CHERP: variants seen among roughly 807,000 people sequenced by gnomAD.
CHERP encodes ERPROT 213-21.
In CHERP, 8 loss-of-function variants were observed where a neutral mutation model predicts 113.8. That is an observed-to-expected ratio of 0.07 (90% CI 0.04 to 0.13). CHERP has a LOEUF of 0.13. Ranked by LOEUF, CHERP falls within the 10% of genes least tolerant of loss-of-function variation. The pLI is 1.00. For synonymous variants in CHERP, 559 were observed against 524.5 expected (o/e 1.07, Z -0.90); for missense variants, 884 against 1,298.2 (o/e 0.68, Z 4.90).
rs1305712909 is a variant in CHERP at position 16,525,286 on chromosome 19, G to A, written c.1697C>T (p.Pro566Leu). 2 of 1,446,790 alleles carry A rather than the reference G, an allele frequency of 1.4e-6. No individual in the cohort carries two copies. The highest frequency in any genetic ancestry group is 1.8e-6 in the Non-Finnish European group (2 of 1,097,986). 89.6% of individuals were successfully genotyped at this position (1,446,790 alleles called of 1,614,324 possible). A position where few individuals can be genotyped will look rare whatever the true frequency, so the allele number is the denominator to read the frequency against. The stretch of plus-strand genomic sequence containing the variant: ...GGGGTAGTCGAAGCGGTGGGGATAG[G>A]GCGGCCGCTCGAAGGGGTGCCGTGG... ...FPPRHPFERP[P>L]YPHRFDYPQG... The change falls in exon 10 of 17, where the codon CCC (proline) becomes CTC (leucine). Residue 566 changes from proline to leucine, a missense_variant. Transcript: ENST00000546361. This position sits in a 1 kb window ranked among gnomAD's most constrained non-coding sequence, Gnocchi z 6.5.
In CHERP at chr19:16,523,211, G is replaced by A. The variant is rs2085633343; in HGVS notation, c.1821C>T (p.Pro607=). The part of the protein sequence containing the change: ...GINEHPPWAG[P]QHPDFGPPPH... ...GGGGAGGGCCGAAGTCAGGGTGCTG[G>A]GGTCCAGCCCAAGGCGGGTGCTCGT... Residue 607 remains proline (P), a synonymous_variant, in exon 11 of 17, where the codon CCC becomes CCT. Coordinates refer to ENST00000546361, the MANE Select transcript of CHERP (RefSeq NM_006387.6). The surrounding 1 kb of genome is among the most constrained non-coding windows in gnomAD (Gnocchi z 4.0). 1 of 1,594,016 alleles carries A rather than the reference G, an allele frequency of 6.3e-7. No individual in the cohort carries two copies. The highest frequency in any genetic ancestry group is 8.5e-7 in the Non-Finnish European group (1 of 1,172,142).
chr19:16,529,118 A>G (rs2122264684), intron 8 of CHERP, among the ~76,000 whole-genome samples: 1 of 152,240 alleles, frequency 6.6e-6, no homozygotes, highest in South Asian at 2.1e-4. Context: ...CTGCAGCCTC[A>G]ATCTCATGGG....
Position 16,520,444 on chromosome 19 carries a change from T to C in CHERP, c.2265A>G (p.Ser755=), listed in dbSNP as rs370425040. Residue 755 remains serine (S), a synonymous_variant, in exon 14 of 17, where the codon TCA becomes TCG. Coordinates refer to ENST00000546361, the MANE Select transcript of CHERP (RefSeq NM_006387.6). This position sits in a 1 kb window ranked among gnomAD's most constrained non-coding sequence, Gnocchi z 4.0. ...ACGAGCCTGAAGACTTGGAGGATCT[T>C]GAGTTGGAGCGGGAGGAAGAACGCC... ...SRGRSSSRSN[S]RSSKSSGSYS... is the part of the protein sequence containing the mutation. The C allele has an allele frequency of 3.1e-6, 5 of 1,613,864 alleles. No homozygotes were observed. The highest frequency in any genetic ancestry group is 4.2e-6 in the Non-Finnish European group (5 of 1,179,992).
chr19:16,527,879 A>G lies in CHERP; in HGVS notation c.1305+201T>C, dbSNP rs372669909. Among the ~76,000 whole-genome samples, 9 of 152,344 alleles carry G rather than the reference A, an allele frequency of 5.9e-5. No homozygotes were observed. In the East Asian group the frequency reaches 1.5e-3, roughly 26 times the overall value. ...AGCCCAAACCATCAAAGCTCGGGGAAGGGACGTGAAGACCTGTCACTTGAC... is the reference window on the plus strand; with the variant it reads ...AGCCCAAACCATCAAAGCTCGGGGAGGGGACGTGAAGACCTGTCACTTGAC... On this transcript the variant is annotated intron_variant, in intron 9 of 16. Coordinates refer to ENST00000546361, the MANE Select transcript of CHERP (RefSeq NM_006387.6).
Position 16,532,190 on chromosome 19 carries a change from T to C in CHERP, c.674+408A>G, listed in dbSNP as rs2085710087. ...GTCCTGATGGCTGAGCAAAGTCAGG[T>C]GACCGCGTGTGTGTGCGTGCAAATC... On this transcript the variant is annotated intron_variant, in intron 5 of 16. Transcript: ENST00000546361. The surrounding 1 kb of genome is among the most constrained non-coding windows in gnomAD (Gnocchi z 4.4). 1 of 171,938 alleles carries C rather than the reference T, an allele frequency of 5.8e-6. No individual in the cohort carries two copies. The highest frequency in any genetic ancestry group is 1.2e-5 in the Non-Finnish European group (1 of 80,002). The allele number at this position is 171,938 out of a possible 1,614,324, so 10.7% of individuals were successfully genotyped here.
rs2085635029 is a variant in CHERP, at chr19:16,523,395, C to G, written c.1742-105G>C. On this transcript the variant is annotated intron_variant, in intron 10 of 16. Coordinates refer to ENST00000546361, the MANE Select transcript of CHERP (RefSeq NM_006387.6). The surrounding 1 kb of genome is among the most constrained non-coding windows in gnomAD (Gnocchi z 4.0). Reference sequence around the variant, plus strand: ...GTGAAGGGCCAGGAGACGAACCCCTCCTGGGAGCCTGTCCAGCATCTTCTC... The same window carrying G: ...GTGAAGGGCCAGGAGACGAACCCCTGCTGGGAGCCTGTCCAGCATCTTCTC... 1 of 1,316,892 alleles carries G rather than the reference C, an allele frequency of 7.6e-7. No individual in the cohort carries two copies. The highest frequency in any genetic ancestry group is 1.1e-6 in the Non-Finnish European group (1 of 947,080). The allele number at this position is 1,316,892 out of a possible 1,614,324, so 81.6% of individuals were successfully genotyped here.
At position 16,536,126 on chromosome 19, in the gene CHERP, C is replaced by T. The variant is rs535294200; in HGVS notation, c.200-490G>A. Among the ~76,000 whole-genome samples the T allele has an allele frequency of 5.9e-5, 9 of 152,290 alleles. No individual in the cohort carries two copies. The South Asian group carries it at 1.9e-3, about 32-fold the overall frequency. On this transcript the variant is annotated intron_variant, in intron 2 of 16. Transcript: ENST00000546361. ...ACATCTGGCCAGAAAGGCACGAAGCCGCACCCCCGAGCGCACACTGCGGCC... is the reference window on the plus strand; with the variant it reads ...ACATCTGGCCAGAAAGGCACGAAGCTGCACCCCCGAGCGCACACTGCGGCC...
intron 3 of CHERP, among the ~76,000 whole-genome samples, chr19:16,534,111 T>C (rs1415498196): frequency 6.6e-6 from 1 of 151,112 alleles, no homozygotes; most frequent in Admixed American, 6.7e-5. Context: ...TGAAGTGCAA[T>C]GGCATAATCT....
rs202164310 is a variant in CHERP, at chr19:16,520,233, C to A, written c.2378G>T (p.Arg793Leu). 1 of 1,613,310 alleles carries A rather than the reference C, an allele frequency of 6.2e-7. No individual in the cohort carries two copies. The highest frequency in any genetic ancestry group is 8.5e-7 in the Non-Finnish European group (1 of 1,180,008). Residue 793 changes from arginine (R) to leucine (L), a missense_variant, in exon 15 of 17, where the codon CGC becomes CTC. Arg to Leu is a moderately radical substitution (Grantham distance 102, BLOSUM62 -2). Around this residue, in one of 8 missense-constraint regions of CHERP, gnomAD observed 159 missense variants for 185.8 expected, o/e 0.86. Coordinates refer to ENST00000546361, the MANE Select transcript of CHERP (RefSeq NM_006387.6). The surrounding 1 kb of genome is among the most constrained non-coding windows in gnomAD (Gnocchi z 4.0). Reference sequence around the variant, plus strand: ...CCGGGACCGCGACTGGGACCGGGAGCGGCTTCTGGAGGAGCGCGACCTGCT... The same window carrying A: ...CCGGGACCGCGACTGGGACCGGGAGAGGCTTCTGGAGGAGCGCGACCTGCT... The part of the protein sequence containing the change: ...SRSRSRSSRS[R>L]SRSQSRSRSK...
intron 9 of CHERP, among the ~76,000 whole-genome samples, chr19:16,526,946 A>G (rs2085661286): frequency 6.6e-6 from 1 of 151,918 alleles, no homozygotes; most frequent in South Asian, 2.1e-4. Flanking sequence ...CTTTGTAGAG[A>G]TGGAGTCTTG....
At chr19:16,527,949 T>A in intron 9 of CHERP, 131 bp downstream of exon 9, 1 of 933,988 alleles carries the variant, frequency 1.1e-6, no homozygotes, top group Non-Finnish European at 1.6e-6. Flanking sequence ...TAACCCAGCA[T>A]AAGCTCTGCC....
rs1405038873 is a variant in CHERP, at chr19:16,535,710, G to C, written c.200-74C>G. On this transcript the variant is annotated intron_variant, in intron 2 of 16. Transcript: ENST00000546361. The surrounding 1 kb of genome is among the most constrained non-coding windows in gnomAD (Gnocchi z 4.3). ...TAGGTGTCCCCTTGGCCACCTCTCAGCCACAGGGGCCTCCCCCTCCCCAGG... is the reference window on the plus strand; with the variant it reads ...TAGGTGTCCCCTTGGCCACCTCTCACCCACAGGGGCCTCCCCCTCCCCAGG... 1.0e-5 allele frequency: 14 copies of C among 1,349,168 alleles called. No individual in the cohort carries two copies. Among genetic ancestry groups the C allele is most frequent in the Non-Finnish European group, 1.4e-5 (14 of 1,018,514 alleles). 83.6% of individuals were successfully genotyped at this position (1,349,168 alleles called of 1,614,324 possible). A position where few individuals can be genotyped will look rare whatever the true frequency, so the allele number is the denominator to read the frequency against.
At position 16,535,729 on chromosome 19, in the gene CHERP, C is replaced by T. The variant is rs2085737156; in HGVS notation, c.200-93G>A. 2 of 1,224,802 alleles carry T rather than the reference C, an allele frequency of 1.6e-6. No homozygotes were observed. The highest frequency in any genetic ancestry group is 3.1e-5 in the African/African-American group (2 of 65,168). 75.9% of individuals were successfully genotyped at this position (1,224,802 alleles called of 1,614,324 possible). A position where few individuals can be genotyped will look rare whatever the true frequency, so the allele number is the denominator to read the frequency against. ...CTCTCAGCCACAGGGGCCTCCCCCTCCCCAGGGACTCACCATCCACGAGGG... is the reference window on the plus strand; with the variant it reads ...CTCTCAGCCACAGGGGCCTCCCCCTTCCCAGGGACTCACCATCCACGAGGG... On this transcript the variant is annotated intron_variant, in intron 2 of 16. Coordinates refer to ENST00000546361, the MANE Select transcript of CHERP (RefSeq NM_006387.6). This position sits in a 1 kb window ranked among gnomAD's most constrained non-coding sequence, Gnocchi z 4.3.
intron 1 of CHERP, 137 bp downstream of exon 1, chr19:16,542,216 AC>A: frequency 9.3e-7 from 1 of 1,070,496 alleles, no homozygotes; most frequent in Non-Finnish European, 1.3e-6. Flanking sequence ...GAATGCGGGG[AC>A]CCACGGGAGA....
In CHERP at chr19:16,542,401, C is replaced by G. The variant is rs371035306; in HGVS notation, c.-23G>C. The G allele has an allele frequency of 1.6e-5, 22 of 1,356,042 alleles. No homozygotes were observed. In the African/African-American group the frequency reaches 3.0e-4, roughly 19 times the overall value. 84.0% of individuals were successfully genotyped at this position (1,356,042 alleles called of 1,614,324 possible). ...CATGGCTCCGGCCGCGGGGAACGTC[C>G]TCCGGCGCCACACGATCGACCACCA... On this transcript the variant is annotated 5_prime_UTR_variant, in exon 1 of 17. Transcript: ENST00000546361.
chr19:16,518,820 C>T lies in CHERP; in HGVS notation c.*339G>A. The T allele has an allele frequency of 3.4e-6, 1 of 290,754 alleles. No individual in the cohort carries two copies. The allele number at this position is 290,754 out of a possible 1,614,324, so 18.0% of individuals were successfully genotyped here. The stretch of plus-strand genomic sequence containing the variant: ...CTGGAGCCTAGGAGGAGGCTTCAAT[C>T]TGACTTAGGGCAGATGCACATCCAT... On this transcript the variant is annotated 3_prime_UTR_variant, in exon 17 of 17. Coordinates refer to ENST00000546361, the MANE Select transcript of CHERP (RefSeq NM_006387.6).
chr19:16,534,792 T>G (rs573227570), intron 3 of CHERP, among the ~76,000 whole-genome samples: 10 of 152,260 alleles, frequency 6.6e-5, no homozygotes, highest in African/African-American at 2.2e-4. Context: ...TGTATTCTAT[T>G]TGGCGAAAGT....
intron 2 of CHERP, among the ~76,000 whole-genome samples, chr19:16,540,523 C>A (rs1454415148): frequency 6.6e-6 from 1 of 151,822 alleles, no homozygotes; most frequent in Non-Finnish European, 1.5e-5. Flanking sequence ...CAGGTGTGTG[C>A]CACCACACCT....
chr19:16,527,168 A>G (rs576337748), intron 9 of CHERP, among the ~76,000 whole-genome samples: 1 of 152,304 alleles, frequency 6.6e-6, no homozygotes, highest in African/African-American at 2.4e-5. Flanking sequence ...CTGGTCTGCA[A>G]AAAGACTGAG....
Sources: allele counts gnomAD v4.1 joint callset (sites outside exome capture counted in the v4.1 genomes callset), GRCh38; gene constraint gnomAD v4.1.1; regional missense constraint gnomAD v4.1.1; non-coding constraint Gnocchi (gnomAD v3.1); transcripts MANE v1.5; gene names NCBI Gene and HGNC (gene_info 2026-07-23, HGNC 2026-07-21).